The following BCL11B variants were observed in gnomAD, a reference collection of about 807,000 sequenced individuals.
BCL11B encodes BCL11 transcription factor B.
A neutral mutation model predicts 49.9 loss-of-function variants in BCL11B; 8 were observed. The observed-to-expected ratio is 0.16, with a 90% CI of 0.09 to 0.29. The LOEUF (loss-of-function observed/expected upper bound fraction) is 0.29, where lower values mean the gene tolerates loss of function less well. BCL11B is among the 10% of genes least tolerant of loss of function. The pLI is 1.00. For missense variants in BCL11B, 1,006 were observed against 1,351.0 expected (o/e 0.74, Z 4.00); for synonymous variants, 739 against 637.4 (o/e 1.16, Z -2.40).
chr14:99,234,880 AGT>A (rs1888446696), intron 2 of BCL11B, among the ~76,000 whole-genome samples: 1 of 119,890 alleles, frequency 8.3e-6, no homozygotes, highest in African/African-American at 3.0e-5. Flanking sequence ...AAAAAAAAAA[AGT>A]CTAAAAATAA....
rs1886788918 is a variant in BCL11B, at chr14:99,184,195, C to G, written c.641-8000G>C. On this transcript the variant is annotated intron_variant, in intron 3 of 3. Coordinates refer to ENST00000357195, the MANE Select transcript of BCL11B (RefSeq NM_138576.4). The surrounding 1 kb of genome is among the most constrained non-coding windows in gnomAD (Gnocchi z 6.1). Reference sequence around the variant, plus strand: ...TCTCGGTGCCTCCCTTTGGGCAGCGCATTTTCACACCTCCATGCCCTTGCT... The same window carrying G: ...TCTCGGTGCCTCCCTTTGGGCAGCGGATTTTCACACCTCCATGCCCTTGCT... Among the ~76,000 whole-genome samples, 1 of 152,198 alleles carries G rather than the reference C, an allele frequency of 6.6e-6. No individual in the cohort carries two copies. The highest frequency in any genetic ancestry group is 1.5e-5 in the Non-Finnish European group (1 of 68,026).
rs771890461 is a variant in BCL11B, at chr14:99,192,533, CACCCAGG to C, written c.641-16345_641-16339del. 6.6e-6 allele frequency among the ~76,000 whole-genome samples: 1 copy of C among 152,218 alleles called. No individual in the cohort carries two copies. Among genetic ancestry groups the C allele is most frequent in the Non-Finnish European group, 1.5e-5 (1 of 68,042 alleles). ...CCTTTCACCTCGTCCTCGCCACACA[CACCCAGG>C]CCCAGCCCCGCTGCCTCCTCTACCC... On this transcript the variant is annotated intron_variant, in intron 3 of 3. Coordinates refer to ENST00000357195, the MANE Select transcript of BCL11B (RefSeq NM_138576.4). The surrounding 1 kb of genome is among the most constrained non-coding windows in gnomAD (Gnocchi z 4.0).
intron 2 of BCL11B, among the ~76,000 whole-genome samples, chr14:99,246,791 G>C (rs540166758): frequency 3.4e-4 from 52 of 152,230 alleles, no homozygotes; most frequent in Non-Finnish European, 6.6e-4. Context: ...TGATTTGCTC[G>C]GGATAGGCAC....
intron 3 of BCL11B, among the ~76,000 whole-genome samples, chr14:99,210,615 TC>T (rs1428570395): frequency 6.6e-6 from 1 of 152,082 alleles, no homozygotes; most frequent in Non-Finnish European, 1.5e-5. Context: ...GAAACTGACT[TC>T]CCCAGCTTTG....
intron 2 of BCL11B, among the ~76,000 whole-genome samples, chr14:99,254,154 C>T (rs1345397576): frequency 1.3e-5 from 2 of 152,340 alleles, no homozygotes; most frequent in East Asian, 1.9e-4. Flanking sequence ...ACACCCAGGG[C>T]GGAGGATGGG....
intron 2 of BCL11B, among the ~76,000 whole-genome samples, chr14:99,233,865 G>A (rs971574013): frequency 2.6e-5 from 4 of 152,114 alleles, no homozygotes; most frequent in Admixed American, 1.3e-4. Flanking sequence ...TCCAGGGACC[G>A]GCTCAACTGA....
chr14:99,208,406 TCAC>T (rs1444316594), intron 3 of BCL11B, among the ~76,000 whole-genome samples: 2 of 152,172 alleles, frequency 1.3e-5, no homozygotes, highest in Non-Finnish European at 2.9e-5. Context: ...TCCCTGCTAA[TCAC>T]CACATTATTT....
rs565544630 is a variant in BCL11B at position 99,178,159 on chromosome 14, G to A, written c.641-1964C>T. The stretch of plus-strand genomic sequence containing the variant: ...GACACCAACACTAGAAACCGAGCCA[G>A]GCTGTTACAAGTTTGGCATTACATA... On this transcript the variant is annotated intron_variant, in intron 3 of 3. Coordinates refer to ENST00000357195, the MANE Select transcript of BCL11B (RefSeq NM_138576.4). 5.9e-5 allele frequency among the ~76,000 whole-genome samples: 9 copies of A among 152,296 alleles called. No individual in the cohort carries two copies. The South Asian group carries it at 1.9e-3, about 32-fold the overall frequency.
chr14:99,183,191 A>G (rs1886758303), intron 3 of BCL11B, among the ~76,000 whole-genome samples: 1 of 152,190 alleles, frequency 6.6e-6, no homozygotes, highest in Admixed American at 6.5e-5. Flanking sequence ...CAGAACCCAC[A>G]TGATGCCAGA....
intron 3 of BCL11B, among the ~76,000 whole-genome samples, chr14:99,212,836 A>G (rs554485949): frequency 6.6e-6 from 1 of 151,746 alleles, no homozygotes; most frequent in Non-Finnish European, 1.5e-5. Context: ...ATGCTCTCCA[A>G]CCTCCCCCAC....
In BCL11B at chr14:99,226,318, G is replaced by A. The variant is rs76476097; in HGVS notation, c.640+5027C>T. 0.02 allele frequency among the ~76,000 whole-genome samples: 2,977 copies of A among 152,186 alleles called. 205 individuals are homozygous for A. In the East Asian group the frequency reaches 0.22, roughly 11 times the overall value. On this transcript the variant is annotated intron_variant, in intron 3 of 3. Coordinates refer to ENST00000357195, the MANE Select transcript of BCL11B (RefSeq NM_138576.4). The stretch of plus-strand genomic sequence containing the variant: ...GCATGTTTTCCAACCTTCCCACGAC[G>A]GAGCTCTGCTGTCCACACACGCTCA...
In BCL11B at chr14:99,174,135, G is replaced by A. The variant is rs557237892; in HGVS notation, c.*16C>T. On this transcript the variant is annotated 3_prime_UTR_variant, in exon 4 of 4. Transcript: ENST00000357195. ...CGGTTCCACTGTACAGGTGCGGGGC[G>A]CCGGGGCCCGCGCGCTTAGCTCCTC... 2 of 1,607,560 alleles carry A rather than the reference G, an allele frequency of 1.2e-6. No homozygotes were observed. The highest frequency in any genetic ancestry group is 1.7e-5 in the Admixed American group (1 of 59,988).
intron 3 of BCL11B, among the ~76,000 whole-genome samples, chr14:99,179,473 TAAAAAAAAAAAAAA>T (rs35703913): frequency 2.2e-4 from 12 of 54,548 alleles, no homozygotes; most frequent in Admixed American, 2.0e-3. Context: ...GAATCCATCT[TAAAAAAAAAAAAAA>T]AAAAAAAAAA....
At position 99,220,126 on chromosome 14, in the gene BCL11B, C is replaced by A. The variant is rs180998854; in HGVS notation, c.640+11219G>T. ...AGATAAGGATGCGGAGAAATGAGAA[C>A]CTCTGTGCACTGTTGGTGAGAATGT... On this transcript the variant is annotated intron_variant, in intron 3 of 3. Transcript: ENST00000357195. Among the ~76,000 whole-genome samples the A allele has an allele frequency of 1.9e-4, 29 of 152,316 alleles. No individual in the cohort carries two copies. The East Asian group carries it at 5.4e-3, about 28-fold the overall frequency.
Position 99,260,351 on chromosome 14 carries a change from C to T in BCL11B, c.59-2512G>A, listed in dbSNP as rs116228292. The stretch of plus-strand genomic sequence containing the variant: ...CCAGCTGGACCGTCCTTTCTGAGGG[C>T]GAAGAGGTCTTCTTGGTTTTTTTAA... On this transcript the variant is annotated intron_variant, in intron 1 of 3. Transcript: ENST00000357195. Among the ~76,000 whole-genome samples the T allele has an allele frequency of 4.7e-3, 722 of 152,218 alleles. 2 individuals are homozygous for T. The highest frequency in any genetic ancestry group is 0.016 in the African/African-American group (673 of 41,534).
chr14:99,269,050 C>G (rs1445452447), intron 1 of BCL11B, among the ~76,000 whole-genome samples: 1 of 151,830 alleles, frequency 6.6e-6, no homozygotes, highest in East Asian at 1.9e-4. Flanking sequence ...AGAGCCAAAG[C>G]AAAGCGAACC....
intron 3 of BCL11B, among the ~76,000 whole-genome samples, chr14:99,225,367 A>G (rs1005063467): frequency 6.6e-6 from 1 of 152,090 alleles, no homozygotes; most frequent in African/African-American, 2.4e-5. Context: ...GTCACCCGAG[A>G]AGAACCCATT....
chr14:99,215,840 T>C (rs1451760084), intron 3 of BCL11B, among the ~76,000 whole-genome samples: 4 of 152,166 alleles, frequency 2.6e-5, no homozygotes, highest in African/African-American at 9.7e-5. Flanking sequence ...GTGTTCATTA[T>C]CTCAATTAGA....
rs761352760 is a variant in BCL11B at position 99,175,206 on chromosome 14, GCTCCTCCTCCTCCTC to G, written c.1615_1629del (p.Glu539_Glu543del). The G allele has an allele frequency of 6.4e-7, 1 of 1,554,130 alleles. No homozygotes were observed. Among genetic ancestry groups the G allele is most frequent in the Non-Finnish European group, 8.7e-7 (1 of 1,151,818 alleles). On this transcript the variant is annotated inframe_deletion, in exon 4 of 4. Transcript: ENST00000357195. The stretch of plus-strand genomic sequence containing the variant: ...GGCCGGCTCTCGTTCTCCAGTAGCA[GCTCCTCCTCCTCCTC>G]CTCCTCCTCCTCGTCCTCCTCCTCC...
Sources: gnomAD v4.1 joint callset for allele counts (sites outside exome capture counted in the v4.1 genomes callset) on GRCh38, gnomAD v4.1.1 for gene constraint, Gnocchi (gnomAD v3.1) non-coding constraint, MANE v1.5 for transcripts, NCBI Gene and HGNC (gene_info 2026-07-23, HGNC 2026-07-21) for gene names.